Variants in MTA3 observed in about 807,000 individuals in gnomAD.
MTA3 encodes the protein metastasis-associated protein MTA3.
A neutral mutation model predicts 83.5 loss-of-function variants in MTA3; 34 were observed. That is an observed-to-expected ratio of 0.41 (90% CI 0.31 to 0.54). MTA3 has a LOEUF of 0.54. MTA3 is among the 20% of genes least tolerant of loss of function. The pLI is 0.33. For synonymous variants in MTA3, 303 were observed against 252.7 expected (o/e 1.20, Z -1.89); for missense variants, 761 against 726.4 (o/e 1.05, Z -0.55).
In MTA3 at chr2:42,548,810, A is replaced by AAATAT. The variant is rs1378498420; in HGVS notation, c.-140-21626_-140-21625insATATA. 1.0e-3 allele frequency among the ~76,000 whole-genome samples: 67 copies of AAATAT among 66,486 alleles called. 3 individuals carry two copies. Among genetic ancestry groups the AAATAT allele is most frequent in the African/African-American group, 4.5e-3 (59 of 13,076 alleles). The allele number at this position is 66,486 out of a possible 152,430, so 43.6% of individuals were successfully genotyped here. A position where few individuals can be genotyped will look rare whatever the true frequency, so the allele number is the denominator to read the frequency against. ...AGAGTGAGACCCTGTCTCAAAAAAA[A>AAATAT]ATATATATATATATATATAATATAT... On this transcript the variant is annotated intron_variant, in intron 2 of 17. Coordinates refer to the MTA3 transcript ENST00000405592.
chr2:42,710,884 G>A (rs1165287665), intron 14 of MTA3, among the ~76,000 whole-genome samples: 1 of 152,032 alleles, frequency 6.6e-6, no homozygotes, highest in Admixed American at 6.6e-5. Flanking sequence ...TTAGAGACTA[G>A]CCTGGCCAAC....
intron 8 of MTA3, among the ~76,000 whole-genome samples, chr2:42,674,700 G>A (rs1349838676): frequency 6.6e-6 from 1 of 150,598 alleles, no homozygotes; most frequent in African/African-American, 2.4e-5. Context: ...CTGAGTTCAA[G>A]GGATTCTCCT....
In MTA3 at chr2:42,644,109, T is replaced by A. The variant is rs775315656; in HGVS notation, c.382-18T>A. The A allele has an allele frequency of 2.0e-6, 3 of 1,475,842 alleles. No homozygotes were observed. The Admixed American group carries it at 5.5e-5, about 27-fold the overall frequency. 91.4% of individuals were successfully genotyped at this position (1,475,842 alleles called of 1,614,324 possible). A position where few individuals can be genotyped will look rare whatever the true frequency, so the allele number is the denominator to read the frequency against. On this transcript the variant is annotated intron_variant, in intron 5 of 16. Transcript: ENST00000405094. ...AGAAGGAATTAAGTATACCTATGTATTTTGTCATATTTTTCAGGATACCTT... is the reference window on the plus strand; with the variant it reads ...AGAAGGAATTAAGTATACCTATGTAATTTGTCATATTTTTCAGGATACCTT...
At chr2:42,520,804 G>A (rs376188075) in intron 2 of MTA3, among the ~76,000 whole-genome samples, 5 of 152,186 alleles carry the variant, frequency 3.3e-5, no homozygotes, top group South Asian at 4.1e-4. Flanking sequence ...AGCCTCAAGC[G>A]ATTCTCCTGC....
chr2:42,503,187 T>A (rs977984680), intron 2 of MTA3, among the ~76,000 whole-genome samples: 3 of 152,326 alleles, frequency 2.0e-5, no homozygotes, highest in East Asian at 3.9e-4. Flanking sequence ...TGGTTATTTC[T>A]TGATGATACG....
At chr2:42,525,373 G>A (rs1181883744) in intron 2 of MTA3, among the ~76,000 whole-genome samples, 2 of 151,632 alleles carry the variant, frequency 1.3e-5, no homozygotes, top group Non-Finnish European at 1.5e-5. Context: ...CTGATTTTTT[G>A]TATTTTAGTA....
chr2:42,753,404 T>C lies in MTA3; in HGVS notation c.*5T>C. On this transcript the variant is annotated 3_prime_UTR_variant, in exon 17 of 17. Coordinates refer to ENST00000405094, the MANE Select transcript of MTA3 (RefSeq NM_001330442.2). ...ACGTGCTGTGTGTCAGACTGAGCTT[T>C]CCCTGATTCATTCTACAATCCAAGA... The C allele has an allele frequency of 1.3e-6, 2 of 1,550,592 alleles. No homozygotes were observed. Among genetic ancestry groups the C allele is most frequent in the Non-Finnish European group, 1.7e-6 (2 of 1,146,970 alleles).
intron 3 of MTA3, among the ~76,000 whole-genome samples, chr2:42,590,521 C>G (rs1330207376): frequency 1.3e-5 from 2 of 151,972 alleles, no homozygotes; most frequent in African/African-American, 2.4e-5. Context: ...GCCAAATAAA[C>G]CTTTTTGCTT....
intron 16 of MTA3, among the ~76,000 whole-genome samples, chr2:42,725,025 C>G (rs1427687821): frequency 6.6e-6 from 1 of 152,206 alleles, no homozygotes; most frequent in Admixed American, 6.5e-5. Flanking sequence ...TGAAACACTT[C>G]CTTCTTTAAG....
chr2:42,556,648 G>C (rs1677406012), intron 2 of MTA3, among the ~76,000 whole-genome samples: 1 of 152,204 alleles, frequency 6.6e-6, no homozygotes, highest in East Asian at 1.9e-4. Context: ...GGAGAAGTCA[G>C]TCTTGAGCCC....
At chr2:42,699,642 G>A (rs956184537) in intron 11 of MTA3, among the ~76,000 whole-genome samples, 3 of 152,100 alleles carry the variant, frequency 2.0e-5, no homozygotes, top group Admixed American at 6.6e-5. Context: ...ATGGCGGGCG[G>A]GGGTGTCAAG....
At position 42,609,306 on chromosome 2, in the gene MTA3, A is replaced by G. The variant is rs140349376; in HGVS notation, c.191-152A>G. On this transcript the variant is annotated intron_variant, in intron 3 of 16. Transcript: ENST00000405094. ...TCAGCTTCCCAAAATGCTTAGGATT[A>G]CAAGCATGAGCCACTGCACCTGGCA... Among the ~76,000 whole-genome samples the G allele has an allele frequency of 5.5e-3, 831 of 152,274 alleles. 2 individuals carry two copies. The highest frequency in any genetic ancestry group is 8.9e-3 in the Non-Finnish European group (604 of 68,032).
chr2:42,610,051 C>A (rs1418160345), intron 4 of MTA3, among the ~76,000 whole-genome samples: 3 of 152,082 alleles, frequency 2.0e-5, no homozygotes, highest in Admixed American at 6.6e-5. Flanking sequence ...AGTGTGCTGA[C>A]ATCGTGCCAC....
At chr2:42,644,284 A>T (rs748851916) in intron 6 of MTA3, 40 bp downstream of exon 6, 1 of 1,379,552 alleles carries the variant, frequency 7.2e-7, no homozygotes, top group African/African-American at 1.4e-5. Context: ...TGAAACAAAT[A>T]TATCTTGAAA....
At chr2:42,693,842 CTGGGAATGTGCT>C (rs1693131677) in intron 9 of MTA3, among the ~76,000 whole-genome samples, 2 of 152,246 alleles carry the variant, frequency 1.3e-5, no homozygotes, top group Middle Eastern at 3.4e-3. Flanking sequence ...CCACCTATAG[CTGGGAATGTGCT>C]TGGGAATGTG....
chr2:42,683,028 AC>A (rs1422683697), intron 9 of MTA3, among the ~76,000 whole-genome samples: 1 of 152,276 alleles, frequency 6.6e-6, no homozygotes, highest in Admixed American at 6.5e-5. Flanking sequence ...CCGAGATGGC[AC>A]CACTGCACTG....
At chr2:42,703,873 G>A (rs1359861337) in intron 11 of MTA3, 1 of 215,662 alleles carries the variant, frequency 4.6e-6, no homozygotes, top group African/African-American at 2.4e-5. Context: ...CTGGGCAACA[G>A]AGCGAGACTC....
chr2:42,498,865 G>A (rs1405265837), intron 2 of MTA3, among the ~76,000 whole-genome samples: 2 of 152,160 alleles, frequency 1.3e-5, no homozygotes, highest in Non-Finnish European at 2.9e-5. Flanking sequence ...TGCCAGCCAA[G>A]CCCTGAGCCC....
chr2:42,576,453 A>G (rs965546147), intron 2 of MTA3, among the ~76,000 whole-genome samples: 1 of 152,166 alleles, frequency 6.6e-6, no homozygotes, highest in African/African-American at 2.4e-5. Context: ...CATGATGGGA[A>G]AATCCAAATA....
Sources: gnomAD v4.1 joint callset for allele counts (sites outside exome capture counted in the v4.1 genomes callset) on GRCh38, gnomAD v4.1.1 for gene constraint, MANE v1.5 for transcripts, NCBI Gene and HGNC (gene_info 2026-07-23, HGNC 2026-07-21) for gene names.